The following TLE4 variants were observed in gnomAD, a reference collection of about 807,000 sequenced individuals.
TLE4 encodes the protein transducin-like enhancer protein 4.
In TLE4, 8 loss-of-function variants were observed where a neutral mutation model predicts 92.8. The ratio of observed to expected loss-of-function variants is 0.09; its 90% CI spans 0.05 to 0.16. The LOEUF (loss-of-function observed/expected upper bound fraction) is 0.16. Among genes scored for constraint, TLE4 ranks in the 10% least tolerant of loss-of-function variants. TLE4 has a pLI of 1.00. For synonymous variants in TLE4, 371 were observed against 374.1 expected (o/e 0.99, Z 0.10); for missense variants, 675 against 997.6 (o/e 0.68, Z 4.36).
chr9:79,642,779 C>T (rs529391763), intron 6 of TLE4, among the ~76,000 whole-genome samples: 7 of 152,176 alleles, frequency 4.6e-5, no homozygotes, highest in Admixed American at 2.6e-4. Context: ...ACAATGGAGC[C>T]GCTGGCAAAG....
intron 14 of TLE4, among the ~76,000 whole-genome samples, chr9:79,714,880 T>C (rs1374948262): frequency 2.6e-5 from 4 of 152,216 alleles, no homozygotes; most frequent in Non-Finnish European, 5.9e-5. Context: ...AATGTTGACT[T>C]CCCTCATACC....
intron 4 of TLE4, among the ~76,000 whole-genome samples, chr9:79,604,493 C>A (rs1346356166): frequency 6.6e-6 from 1 of 151,860 alleles, no homozygotes; most frequent in Non-Finnish European, 1.5e-5. Flanking sequence ...ATGACAGCTT[C>A]AAAGAATTGG....
At chr9:79,724,225 C>A (rs561195354) in intron 19 of TLE4, among the ~76,000 whole-genome samples, 10 of 151,276 alleles carry the variant, frequency 6.6e-5, no homozygotes, top group Admixed American at 5.9e-4. Flanking sequence ...TCTCACTGAA[C>A]TCTGCTGCAT....
chr9:79,675,430 A>G (rs1220387793), intron 8 of TLE4, among the ~76,000 whole-genome samples: 1 of 152,214 alleles, frequency 6.6e-6, no homozygotes, highest in Admixed American at 6.5e-5. Flanking sequence ...TGCATATCAT[A>G]GTGATTTATA....
intron 8 of TLE4, among the ~76,000 whole-genome samples, chr9:79,680,692 C>A (rs2064346756): frequency 6.6e-6 from 1 of 152,116 alleles, no homozygotes; most frequent in Admixed American, 6.5e-5. Context: ...AGAGGGCATC[C>A]CTGTCTTGTG....
intron 8 of TLE4, among the ~76,000 whole-genome samples, chr9:79,702,927 A>G (rs2070376677): frequency 6.6e-6 from 1 of 152,238 alleles, no homozygotes; most frequent in African/African-American, 2.4e-5. Context: ...ATTAAGGCTC[A>G]GTGGAAATAA....
intron 4 of TLE4, among the ~76,000 whole-genome samples, chr9:79,586,030 T>A (rs1053977308): frequency 2.1e-5 from 3 of 143,268 alleles, no homozygotes; most frequent in African/African-American, 7.7e-5. Context: ...ATAAAATATA[T>A]CAGTATGTCT....
At chr9:79,679,452 CT>C (rs1282340916) in intron 8 of TLE4, among the ~76,000 whole-genome samples, 41 of 152,280 alleles carry the variant, frequency 2.7e-4, no homozygotes, top group Admixed American at 2.2e-3. Flanking sequence ...CCTTCGCCCA[CT>C]TGTTGATGGG....
At position 79,671,147 on chromosome 9, in the gene TLE4, G is replaced by A. The variant is rs183655110; in HGVS notation, c.609+17072G>A. 3 of 415,560 alleles carry A rather than the reference G, an allele frequency of 7.2e-6. No individual in the cohort carries two copies. In the Admixed American group the frequency reaches 7.3e-5, roughly 10 times the overall value. The allele number at this position is 415,560 out of a possible 1,614,324, so 25.7% of individuals were successfully genotyped here. On this transcript the variant is annotated intron_variant, in intron 8 of 19. Transcript: ENST00000376552. ...CCTAGCACATATTTAATTCCATTGG[G>A]GATTTTGTGTTTAGGGATAGTTCAA...
At chr9:79,720,965 AC>A (rs922138472) in intron 16 of TLE4, among the ~76,000 whole-genome samples, 15 of 152,178 alleles carry the variant, frequency 9.9e-5, no homozygotes, top group African/African-American at 3.6e-4. Context: ...AGGTGTCAAT[AC>A]CCTAAGAGAT....
Position 79,720,041 on chromosome 9 carries a change from T to C in TLE4, c.1591-5T>C, listed in dbSNP as rs749535527. The C allele has an allele frequency of 1.9e-6, 3 of 1,602,302 alleles. No individual in the cohort carries two copies. The highest frequency in any genetic ancestry group is 2.7e-5 in the African/African-American group (2 of 74,698). The stretch of plus-strand genomic sequence containing the variant: ...GTAATCTCTTGATGGTTTTTGTCTC[T>C]ACAGAACAGGGATAACTACATCCGT... On this transcript the variant is annotated splice_region_variant and splice_polypyrimidine_tract_variant and intron_variant, in intron 15 of 19. Coordinates refer to ENST00000376552, the MANE Select transcript of TLE4 (RefSeq NM_007005.6).
chr9:79,608,835 T>G (rs558502521), intron 4 of TLE4, among the ~76,000 whole-genome samples: 7 of 152,250 alleles, frequency 4.6e-5, no homozygotes, highest in African/African-American at 1.7e-4. Context: ...AAGCTATTGG[T>G]ACTTTCACCC....
intron 4 of TLE4, among the ~76,000 whole-genome samples, chr9:79,591,228 G>A (rs989510537): frequency 3.3e-5 from 5 of 152,168 alleles, no homozygotes; most frequent in African/African-American, 1.2e-4. Context: ...CTGGCTCCTT[G>A]AGTGATTAAG....
intron 8 of TLE4, among the ~76,000 whole-genome samples, chr9:79,657,340 G>A (rs2059915041): frequency 6.6e-6 from 1 of 152,198 alleles, no homozygotes; most frequent in Non-Finnish European, 1.5e-5. Context: ...GGCTAAGGGG[G>A]AGTGTTCTCA....
intron 19 of TLE4, 27 bp from the exon 20 acceptor site, chr9:79,725,010 A>ATTT: frequency 6.4e-7 from 1 of 1,571,978 alleles, no homozygotes; most frequent in Non-Finnish European, 8.8e-7. Context: ...AGTATTTAAC[A>ATTT]TTTTTGATTA....
intron 18 of TLE4, 140 bp downstream of exon 18, chr9:79,722,741 C>G: frequency 9.0e-7 from 1 of 1,114,440 alleles, no homozygotes; most frequent in Non-Finnish European, 1.3e-6. Context: ...TACATGCCTG[C>G]TTCCCCAACA....
intron 4 of TLE4, among the ~76,000 whole-genome samples, chr9:79,576,980 CAT>C (rs751139268): frequency 3.3e-5 from 5 of 150,184 alleles, no homozygotes; most frequent in Non-Finnish European, 5.9e-5. Context: ...TATATACATA[CAT>C]ATATATATAT....
chr9:79,656,180 G>T, intron 8 of TLE4, among the ~76,000 whole-genome samples: 1 of 152,156 alleles, frequency 6.6e-6, no homozygotes, highest in East Asian at 1.9e-4. Context: ...TTCTGAATGT[G>T]TTCTGTGATG....
At chr9:79,579,474 A>G (rs534269424) in intron 4 of TLE4, among the ~76,000 whole-genome samples, 83 of 152,354 alleles carry the variant, frequency 5.4e-4, no homozygotes, top group Admixed American at 2.0e-3. Flanking sequence ...TGAACATACC[A>G]TCTTTTGAAA....
Sources: gnomAD v4.1 joint callset for allele counts (sites outside exome capture counted in the v4.1 genomes callset) on GRCh38, gnomAD v4.1.1 for gene constraint, MANE v1.5 for transcripts, NCBI Gene and HGNC (gene_info 2026-07-23, HGNC 2026-07-21) for gene names.